Variants in GXYLT1 observed in about 807,000 individuals in gnomAD.
GXYLT1 encodes the protein glycosyltransferase 8 domain containing 3.
In GXYLT1, 29 loss-of-function variants were observed where a neutral mutation model predicts 54.0. That is an observed-to-expected ratio of 0.54 (90% confidence interval 0.40 to 0.73). GXYLT1 has a LOEUF of 0.73. Among genes scored for constraint, GXYLT1 ranks in the 30% least tolerant of loss-of-function variants. The pLI, the probability that GXYLT1 is intolerant of heterozygous loss-of-function variation, is 0.00. For missense variants in GXYLT1, 490 were observed against 553.4 expected (o/e 0.89, Z 1.15); for synonymous variants, 176 against 204.1 (o/e 0.86, Z 1.17).
chr12:42,128,088 T>C (rs2065573635), intron 2 of GXYLT1, among the ~76,000 whole-genome samples: 1 of 152,160 alleles, frequency 6.6e-6, no homozygotes, highest in South Asian at 2.1e-4. Context: ...TACCAGGCAC[T>C]GGAGGTGAAG....
chr12:42,131,519 TA>T (rs2065594034), intron 1 of GXYLT1, among the ~76,000 whole-genome samples: 2 of 152,330 alleles, frequency 1.3e-5, no homozygotes, highest in South Asian at 4.1e-4. Context: ...TACTACTGCA[TA>T]AAGAACAAGG....
intron 5 of GXYLT1, among the ~76,000 whole-genome samples, chr12:42,103,838 A>G (rs941271245): frequency 2.0e-5 from 3 of 152,142 alleles, no homozygotes; most frequent in Non-Finnish European, 4.4e-5. Context: ...AATTATTCCA[A>G]CTCCCATAAC....
chr12:42,130,776 C>A (rs954080748), intron 1 of GXYLT1, among the ~76,000 whole-genome samples: 14 of 152,036 alleles, frequency 9.2e-5, no homozygotes, highest in African/African-American at 3.4e-4. Context: ...CATAACAAGA[C>A]TCCGTCTCTA....
intron 5 of GXYLT1, among the ~76,000 whole-genome samples, chr12:42,104,381 C>A (rs190408488): frequency 6.6e-6 from 1 of 151,600 alleles, no homozygotes; most frequent in Admixed American, 6.6e-5. Context: ...TAAAACTTTA[C>A]AGTACATGAA....
intron 1 of GXYLT1, among the ~76,000 whole-genome samples, chr12:42,142,695 T>C (rs529549583): frequency 1.1e-4 from 16 of 152,246 alleles, no homozygotes; most frequent in African/African-American, 3.9e-4. Context: ...TAAATGACGA[T>C]ATACAAAATA....
chr12:42,135,922 A>G (rs2065617139), intron 1 of GXYLT1, among the ~76,000 whole-genome samples: 5 of 152,230 alleles, frequency 3.3e-5, no homozygotes, highest in Admixed American at 3.3e-4. Context: ...AAATTTATTG[A>G]TCATAATTCA....
intron 4 of GXYLT1, among the ~76,000 whole-genome samples, chr12:42,107,915 T>C (rs897349663): frequency 6.6e-6 from 1 of 152,204 alleles, no homozygotes; most frequent in African/African-American, 2.4e-5. Context: ...GGTTAAATCA[T>C]AATCACCTAT....
chr12:42,088,836 T>A (rs1042823533), intron 7 of GXYLT1, among the ~76,000 whole-genome samples: 1 of 135,788 alleles, frequency 7.4e-6, no homozygotes, highest in South Asian at 2.7e-4. Flanking sequence ...ACCAGAAATC[T>A]CCCAGGTTAT....
At position 42,109,604 on chromosome 12, in the gene GXYLT1, GT is replaced by G; in HGVS notation, c.573del (p.Lys191AsnfsTer15). 6.3e-7 allele frequency: 1 copy of G among 1,586,220 alleles called. No individual in the cohort carries two copies. Among genetic ancestry groups the G allele is most frequent in the South Asian group, 1.2e-5 (1 of 86,902 alleles). Reference protein sequence around the residue: ...FPSENAAEWKKLFKPCASQRL... With the variant: ...FPSENAAEWKXLFKPCASQRL... ...CTCTGCGAAGCACATGGTTTAAAGAGTTTTTTCCACTCTGCTGCATTCTCAC... is the reference window on the plus strand; with the variant it reads ...CTCTGCGAAGCACATGGTTTAAAGAGTTTTTCCACTCTGCTGCATTCTCAC... On this transcript the variant is annotated frameshift_variant, in exon 4 of 8. Coordinates refer to ENST00000398675, the MANE Select transcript of GXYLT1 (RefSeq NM_173601.2). LOFTEE classifies it high-confidence loss of function.
intron 5 of GXYLT1, among the ~76,000 whole-genome samples, chr12:42,103,813 G>T (rs2065403669): frequency 6.6e-6 from 1 of 151,878 alleles, no homozygotes; most frequent in Non-Finnish European, 1.5e-5. Context: ...AGAAAAAAAG[G>T]TTTGAAAGTT....
chr12:42,129,847 T>C lies in GXYLT1; in HGVS notation c.226A>G (p.Lys76Glu). The C allele has an allele frequency of 1.2e-6, 2 of 1,606,486 alleles. No homozygotes were observed. Among genetic ancestry groups the C allele is most frequent in the Admixed American group, 1.7e-5 (1 of 59,988 alleles). The change falls in exon 2 of 8, where the codon AAA becomes GAA. Residue 76 changes from lysine (K) to glutamate (E), a missense_variant. Lys to Glu is a moderately conservative substitution (Grantham distance 56, BLOSUM62 1). Transcript: ENST00000398675. ...AAHPGVSDRC[K>E]DFSLCYWNPY... Reference sequence around the variant, plus strand: ...TTCCAGTAACACAGAGAGAAATCTTTACACCTAACAGAGTAAGACAGAAAT... The same window carrying C: ...TTCCAGTAACACAGAGAGAAATCTTCACACCTAACAGAGTAAGACAGAAAT...
At chr12:42,139,024 C>T (rs1414814029) in intron 1 of GXYLT1, among the ~76,000 whole-genome samples, 3 of 148,512 alleles carry the variant, frequency 2.0e-5, no homozygotes, top group Non-Finnish European at 3.0e-5. Context: ...GGCAATGGAG[C>T]GAGACTCTGT....
chr12:42,103,411 G>GA (rs1383356509), intron 5 of GXYLT1, among the ~76,000 whole-genome samples: 1 of 152,194 alleles, frequency 6.6e-6, no homozygotes, highest in Non-Finnish European at 1.5e-5. Flanking sequence ...TAAGAACCAT[G>GA]AAGCAACAAT....
intron 3 of GXYLT1, among the ~76,000 whole-genome samples, chr12:42,113,572 G>C (rs901240759): frequency 3.3e-5 from 5 of 151,002 alleles, no homozygotes; most frequent in Non-Finnish European, 5.9e-5. Context: ...AATTCAACAA[G>C]AAGAGCTAAC....
intron 1 of GXYLT1, among the ~76,000 whole-genome samples, chr12:42,130,932 A>G (rs561620607): frequency 1.3e-5 from 2 of 152,256 alleles, no homozygotes; most frequent in South Asian, 2.1e-4. Flanking sequence ...GGCTGAACAC[A>G]GCAAAAGAGA....
rs994773773 is a variant in GXYLT1, at chr12:42,121,411, C to T, written c.315-2240G>A. 4.6e-5 allele frequency among the ~76,000 whole-genome samples: 7 copies of T among 152,202 alleles called. No individual in the cohort carries two copies. The East Asian group carries it at 1.4e-3, about 29-fold the overall frequency. On this transcript the variant is annotated intron_variant, in intron 2 of 7. Coordinates refer to ENST00000398675, the MANE Select transcript of GXYLT1 (RefSeq NM_173601.2). ...CTTTGGGAGGCCAAGTTGAGAGGAC[C>T]GCTTGAGGCCCAGAGTTTGAGACCA...
At chr12:42,101,381 T>C (rs2065389046) in intron 5 of GXYLT1, among the ~76,000 whole-genome samples, 1 of 152,196 alleles carries the variant, frequency 6.6e-6, no homozygotes, top group Non-Finnish European at 1.5e-5. Context: ...TACAACTACA[T>C]ATCCATACTA....
chr12:42,127,672 G>A (rs1282686164), intron 2 of GXYLT1, among the ~76,000 whole-genome samples: 2 of 152,190 alleles, frequency 1.3e-5, no homozygotes, highest in Non-Finnish European at 2.9e-5. Flanking sequence ...AAGGGTCTGG[G>A]TTGTATAAAT....
At chr12:42,135,491 T>C (rs183995233) in intron 1 of GXYLT1, among the ~76,000 whole-genome samples, 1 of 152,256 alleles carries the variant, frequency 6.6e-6, no homozygotes, top group African/African-American at 2.4e-5. Flanking sequence ...ACTGAAAACA[T>C]GTTCACAGAA....
Sources: gnomAD v4.1 joint callset for allele counts (sites outside exome capture counted in the v4.1 genomes callset) on GRCh38, gnomAD v4.1.1 for gene constraint, MANE v1.5 for transcripts, NCBI Gene and HGNC (gene_info 2026-07-23, HGNC 2026-07-21) for gene names.